The following DLC1 variants were observed in gnomAD, a reference collection of about 807,000 sequenced individuals.
DLC1 encodes DLC1 Rho GTPase activating protein, also known as rho GTPase-activating protein 7.
DLC1 carries 54 observed loss-of-function variants against 140.3 expected under a neutral mutation model. That is an observed-to-expected ratio of 0.38 (90% CI 0.31 to 0.48). The LOEUF (loss-of-function observed/expected upper bound fraction) is 0.48. DLC1 is among the 20% of genes least tolerant of loss of function. DLC1 has a pLI of 0.96. For synonymous variants in DLC1, 986 were observed against 728.1 expected, an observed-to-expected ratio of 1.35 and a Z score of -5.70; for missense variants, 2,536 against 1,907.0, an observed-to-expected ratio of 1.33 and a Z score of -6.14.
intron 4 of DLC1, among the ~76,000 whole-genome samples, chr8:13,363,681 G>GA (rs1438401866): frequency 5.3e-5 from 8 of 151,948 alleles, no homozygotes; most frequent in Non-Finnish European, 7.4e-5. Context: ...AAACCAAAAG[G>GA]AAAAAAATCA....
At chr8:13,599,812 G>A (rs890016976) in intron 1 of DLC1, among the ~76,000 whole-genome samples, 6 of 151,822 alleles carry the variant, frequency 4.0e-5, no homozygotes, top group African/African-American at 1.5e-4. Flanking sequence ...AGTAGCCACA[G>A]CAATTCTTAA....
chr8:13,370,081 G>T (rs1038640963), intron 4 of DLC1, among the ~76,000 whole-genome samples: 1 of 150,610 alleles, frequency 6.6e-6, no homozygotes, highest in Non-Finnish European at 1.5e-5. Flanking sequence ...TACATTGTTT[G>T]TTTTCTCACT....
intron 4 of DLC1, among the ~76,000 whole-genome samples, chr8:13,378,440 G>C (rs1271864102): frequency 6.6e-6 from 1 of 151,918 alleles, no homozygotes; most frequent in Non-Finnish European, 1.5e-5. Context: ...AAGAGATTAA[G>C]TATGTTAGAG....
intron 5 of DLC1, among the ~76,000 whole-genome samples, chr8:13,184,422 T>A (rs1459667037): frequency 6.6e-6 from 1 of 152,246 alleles, no homozygotes; most frequent in Admixed American, 6.5e-5. Context: ...TTCTGCTTTC[T>A]CTTGTGGGCA....
chr8:13,463,751 C>G (rs773799270), intron 2 of DLC1, among the ~76,000 whole-genome samples: 1 of 152,060 alleles, frequency 6.6e-6, no homozygotes, highest in Non-Finnish European at 1.5e-5. Context: ...GACTTTTTGC[C>G]GGATTCCCAG....
At chr8:13,217,092 T>C (rs1828240502) in intron 5 of DLC1, among the ~76,000 whole-genome samples, 1 of 152,180 alleles carries the variant, frequency 6.6e-6, no homozygotes, top group African/African-American at 2.4e-5. Flanking sequence ...ATACTCCTGG[T>C]TAATTTTGAG....
rs1563569844 is a variant in DLC1 at position 13,091,422 on chromosome 8, T to G, written c.3751A>C (p.Arg1251=). The change falls in exon 14 of 18, where the codon AGA becomes CGA. Residue 1251 remains arginine, a synonymous_variant. Coordinates refer to ENST00000276297, the MANE Select transcript of DLC1 (RefSeq NM_182643.3). ...RENSSPRVMQ[R]KQSLGKPDQK... Reference sequence around the variant, plus strand: ...TCTGGTTTGCCCAAACTTTGTTTTCTTTGCATTACCCTAGGTAGAAGAAAT... The same window carrying G: ...TCTGGTTTGCCCAAACTTTGTTTTCGTTGCATTACCCTAGGTAGAAGAAAT... 6.2e-7 allele frequency: 1 copy of G among 1,613,960 alleles called. No homozygotes were observed. Among genetic ancestry groups the G allele is most frequent in the Non-Finnish European group, 8.5e-7 (1 of 1,179,958 alleles).
rs377030918 is a variant in DLC1, at chr8:13,586,937, G to A, written c.-126+17600C>T. The stretch of plus-strand genomic sequence containing the variant: ...ACTAAGTAAGACCCACCTGCATCAG[G>A]TGCCTCAATATAATAATACATGGAC... On this transcript the variant is annotated intron_variant, in intron 1 of 1. Coordinates refer to the DLC1 transcript ENST00000631382. Among the ~76,000 whole-genome samples the A allele has an allele frequency of 4.9e-4, 75 of 152,162 alleles. 2 individuals carry two copies. In the South Asian group the frequency reaches 0.015, roughly 29 times the overall value.
At chr8:13,300,983 G>C (rs181239891) in intron 5 of DLC1, among the ~76,000 whole-genome samples, 47 of 152,288 alleles carry the variant, frequency 3.1e-4, no homozygotes, top group Non-Finnish European at 4.4e-4. Context: ...CAAGGGTGAT[G>C]AGAGGGCGGT....
chr8:13,475,939 T>C (rs1800416297), intron 2 of DLC1, among the ~76,000 whole-genome samples: 1 of 152,210 alleles, frequency 6.6e-6, no homozygotes, highest in African/African-American at 2.4e-5. Flanking sequence ...CCCACATACT[T>C]GGGTCATTAT....
At chr8:13,533,559 A>T (rs1803172187) in intron 1 of DLC1, among the ~76,000 whole-genome samples, 1 of 152,176 alleles carries the variant, frequency 6.6e-6, no homozygotes, top group Admixed American at 6.5e-5. Context: ...ATGTTAGCTC[A>T]ATTTTTCTGG....
At chr8:13,233,293 TAAAAAAAAAAAAAAAA>T (rs71207134) in intron 5 of DLC1, among the ~76,000 whole-genome samples, 1,892 of 70,518 alleles carry the variant, frequency 0.027, 79 homozygotes, top group African/African-American at 0.1. Context: ...AGACTCTGTA[TAAAAAAAAAAAAAAAA>T]AAAAAAAAAA....
At chr8:13,094,715 A>AT (rs751066184) in intron 12 of DLC1, 44 bp downstream of exon 12, 214 of 1,611,282 alleles carry the variant, frequency 1.3e-4, no homozygotes, top group Non-Finnish European at 1.7e-4. Context: ...AGTTGGTCCC[A>AT]TTTTTCCCCA....
intron 4 of DLC1, among the ~76,000 whole-genome samples, chr8:13,350,383 A>G (rs1007237363): frequency 4.0e-5 from 6 of 151,836 alleles, no homozygotes; most frequent in Non-Finnish European, 5.9e-5. Context: ...TTCCAAGACT[A>G]TAAGCTCCTT....
At chr8:13,603,442 C>T (rs1234234482) in intron 1 of DLC1, among the ~76,000 whole-genome samples, 1 of 151,534 alleles carries the variant, frequency 6.6e-6, no homozygotes, top group Non-Finnish European at 1.5e-5. Flanking sequence ...AACTGAAGTC[C>T]TTGAATCAAC....
chr8:13,178,675 A>G (rs1825882217), intron 5 of DLC1, among the ~76,000 whole-genome samples: 1 of 151,606 alleles, frequency 6.6e-6, no homozygotes, highest in African/African-American at 2.4e-5. Flanking sequence ...AAAACATATA[A>G]TCAACAATGG....
At chr8:13,420,454 A>AT (rs1328453250) in intron 2 of DLC1, among the ~76,000 whole-genome samples, 1 of 152,130 alleles carries the variant, frequency 6.6e-6, no homozygotes, top group Non-Finnish European at 1.5e-5. Flanking sequence ...GGTTTGTTAC[A>AT]TAGGTATACA....
intron 2 of DLC1, among the ~76,000 whole-genome samples, chr8:13,424,425 G>A (rs1838460076): frequency 6.6e-6 from 1 of 152,032 alleles, no homozygotes; most frequent in South Asian, 2.1e-4. Flanking sequence ...GGAGGCAGAG[G>A]TTGCAGTGAG....
intron 5 of DLC1, among the ~76,000 whole-genome samples, chr8:13,152,571 T>A (rs944093737): frequency 5.3e-5 from 8 of 152,010 alleles, no homozygotes; most frequent in Admixed American, 2.0e-4. Context: ...TAAAAATGAA[T>A]GTTGTATTTT....
Sources: allele counts gnomAD v4.1 joint callset (sites outside exome capture counted in the v4.1 genomes callset), GRCh38; gene constraint gnomAD v4.1.1; transcripts MANE v1.5; gene names NCBI Gene and HGNC (gene_info 2026-07-23, HGNC 2026-07-21).